EDDM13: variants seen among roughly 807,000 people sequenced by gnomAD.
EDDM13 encodes epididymal protein 13.
In EDDM13, 24 loss-of-function variants were observed where a neutral mutation model predicts 17.8. That is an observed-to-expected ratio of 1.35 (90% CI 0.98 to 1.90). The LOEUF (loss-of-function observed/expected upper bound fraction) is 1.90. EDDM13 is among the 40% of genes most tolerant of loss of function. EDDM13 has a pLI of 0.00. For synonymous variants in EDDM13, 31 were observed against 37.5 expected, an observed-to-expected ratio of 0.83 and a Z score of 0.63; for missense variants, 97 against 100.8, an observed-to-expected ratio of 0.96 and a Z score of 0.16.
In EDDM13 at chr19:56,300,041, G is replaced by A. The variant is rs2040128287; in HGVS notation, c.296-1927G>A. 3 of 152,172 alleles carry A rather than the reference G, an allele frequency of 2.0e-5. No homozygotes were observed. The South Asian group carries it at 6.2e-4, about 32-fold the overall frequency. 9.4% of individuals were successfully genotyped at this position (152,172 alleles called of 1,614,324 possible). A position where few individuals can be genotyped will look rare whatever the true frequency, so the allele number is the denominator to read the frequency against. On this transcript the variant is annotated intron_variant, in intron 12 of 14. Transcript: ENST00000649256. The stretch of plus-strand genomic sequence containing the variant: ...CCTCATTTTTTATAGATGTGATTGT[G>A]TACCTTTGATTGGGAGGGTATATCT...
chr19:56,293,830 T>C (rs2039681694), intron 9 of EDDM13, among the ~76,000 whole-genome samples: 1 of 151,980 alleles, frequency 6.6e-6, no homozygotes, highest in Admixed American at 6.6e-5. Context: ...CATCCTACAA[T>C]GCACAGGACA....
At chr19:56,291,888 T>C (rs963593044) in intron 9 of EDDM13, among the ~76,000 whole-genome samples, 3 of 152,138 alleles carry the variant, frequency 2.0e-5, no homozygotes, top group Non-Finnish European at 4.4e-5. Context: ...TGATGGAAAT[T>C]TACAAAGAGC....
At chr19:56,295,608 A>G (rs866821993) in intron 9 of EDDM13, among the ~76,000 whole-genome samples, 2 of 151,674 alleles carry the variant, frequency 1.3e-5, no homozygotes, top group Non-Finnish European at 2.9e-5. Flanking sequence ...AACAAAAAAC[A>G]AAACAAAACA....
intron 12 of EDDM13, chr19:56,298,162 A>C (rs2040001583): frequency 6.6e-6 from 1 of 152,200 alleles, no homozygotes; most frequent in African/African-American, 2.4e-5. Flanking sequence ...ACAAGAAAAA[A>C]TAGAGGAGAA....
In EDDM13 at chr19:56,286,183, G is replaced by A. The variant is rs146344513; in HGVS notation, c.154+1159G>A. On this transcript the variant is annotated intron_variant, in intron 6 of 14. Coordinates refer to ENST00000649256, the MANE Select transcript of EDDM13 (RefSeq NM_001354658.2). ...ACTACAGGCGCCCACCACCATGCTC[G>A]GCTAATTTTTGTATTATTAGTAGAG... Among the ~76,000 whole-genome samples the A allele has an allele frequency of 5.3e-5, 8 of 151,692 alleles. No individual in the cohort carries two copies. In the East Asian group the frequency reaches 5.9e-4, roughly 11 times the overall value.
At chr19:56,304,877 T>A in intron 14 of EDDM13, 47 bp downstream of exon 14, 1 of 802,584 alleles carries the variant, frequency 1.2e-6, no homozygotes, top group Non-Finnish European at 1.5e-6. Flanking sequence ...TGGGGTGGGG[T>A]TAGGGGAGGT....
chr19:56,285,113 A>G (rs2039007156), intron 6 of EDDM13, 89 bp downstream of exon 6: 1 of 614,088 alleles, frequency 1.6e-6, no homozygotes, highest in East Asian at 1.4e-4. Context: ...GCTTTTAGGT[A>G]GAGTCTAAAG....
intron 6 of EDDM13, 43 bp downstream of exon 6, chr19:56,285,067 G>T (rs746620047): frequency 1.0e-6 from 1 of 966,108 alleles, no homozygotes; most frequent in Non-Finnish European, 1.2e-6. Context: ...TCTTTCTCTT[G>T]TCCGCAAGGT....
chr19:56,300,624 T>C (rs1441432608), intron 12 of EDDM13, among the ~76,000 whole-genome samples: 1 of 152,118 alleles, frequency 6.6e-6, no homozygotes, highest in Non-Finnish European at 1.5e-5. Flanking sequence ...AGAGAGAGAC[T>C]TGCAATGGCA....
chr19:56,274,307 A>T (rs2038081969), intron 1 of EDDM13, among the ~76,000 whole-genome samples: 1 of 152,034 alleles, frequency 6.6e-6, no homozygotes, highest in African/African-American at 2.4e-5. Flanking sequence ...TACAAAAATT[A>T]TCCAGGCATG....
chr19:56,291,050 G>C (rs1038054923), intron 9 of EDDM13, among the ~76,000 whole-genome samples: 1 of 152,198 alleles, frequency 6.6e-6, no homozygotes, highest in Non-Finnish European at 1.5e-5. Context: ...AGCCGTGAGG[G>C]TGTGTCTGGG....
At chr19:56,290,388 C>T (rs1204562263) in intron 8 of EDDM13, among the ~76,000 whole-genome samples, 1 of 152,208 alleles carries the variant, frequency 6.6e-6, no homozygotes, top group Non-Finnish European at 1.5e-5. Context: ...ATGTGGCCTG[C>T]AAAGCCTACA....
intron 11 of EDDM13, among the ~76,000 whole-genome samples, chr19:56,296,690 T>C (rs763761465): frequency 1.3e-5 from 2 of 152,166 alleles, no homozygotes; most frequent in Admixed American, 6.5e-5. Flanking sequence ...AAGGCTATTA[T>C]GTCCTATGGA....
At chr19:56,296,037 C>T (rs927010674) in intron 10 of EDDM13, 70 bp downstream of exon 10, 2 of 152,522 alleles carry the variant, frequency 1.3e-5, no homozygotes, top group African/African-American at 4.8e-5. Context: ...CTTTTTAGGG[C>T]TGGGCAGGGT....
chr19:56,287,454 T>A (rs980726466), intron 6 of EDDM13, among the ~76,000 whole-genome samples: 3 of 152,188 alleles, frequency 2.0e-5, no homozygotes, highest in African/African-American at 7.2e-5. Context: ...CTTCTCCTTT[T>A]AACAAGCACA....
chr19:56,309,768 T>C (rs1156568206), intron 14 of EDDM13, among the ~76,000 whole-genome samples: 1 of 152,058 alleles, frequency 6.6e-6, no homozygotes, highest in Non-Finnish European at 1.5e-5. Flanking sequence ...CAACACAAGC[T>C]CAGGCCCGGC....
intron 14 of EDDM13, among the ~76,000 whole-genome samples, chr19:56,305,120 C>G (rs534992091): frequency 3.1e-4 from 47 of 152,328 alleles, no homozygotes; most frequent in African/African-American, 9.6e-4. Context: ...TGTGGCCCAA[C>G]ACACACGACA....
chr19:56,278,846 A>G (rs1473809730), intron 2 of EDDM13, among the ~76,000 whole-genome samples: 1 of 152,196 alleles, frequency 6.6e-6, no homozygotes, highest in African/African-American at 2.4e-5. Context: ...AGCCAGGAGA[A>G]GGGCATCCCA....
rs1006993536 is a variant in EDDM13 at position 56,288,368 on chromosome 19, C to A, written c.155-17C>A. Among the ~76,000 whole-genome samples the A allele has an allele frequency of 6.6e-6, 1 of 152,176 alleles. No individual in the cohort carries two copies. Among genetic ancestry groups the A allele is most frequent in the East Asian group, 1.9e-4 (1 of 5,190 alleles). ...TTCCAAATTTCTTCACCCAGCTAAC[C>A]CCTGCTCATCTTCCAGGTCTCAGAC... On this transcript the variant is annotated splice_polypyrimidine_tract_variant and intron_variant, in intron 6 of 14. Transcript: ENST00000649256.
Sources: allele counts gnomAD v4.1 joint callset (sites outside exome capture counted in the v4.1 genomes callset), GRCh38; gene constraint gnomAD v4.1.1; transcripts MANE v1.5; gene names NCBI Gene and HGNC (gene_info 2026-07-23, HGNC 2026-07-21).